SUN1: variants seen among roughly 807,000 people sequenced by gnomAD.
The protein encoded by SUN1 is Sad1 and UNC84 domain containing 1.
SUN1 carries 61 observed loss-of-function variants against 103.2 expected under a neutral mutation model. That is an observed-to-expected ratio of 0.59 (90% CI 0.48 to 0.73). The LOEUF (loss-of-function observed/expected upper bound fraction) is 0.73. Among genes scored for constraint, SUN1 ranks in the 30% least tolerant of loss-of-function variants. The pLI is 0.00. For synonymous variants in SUN1, 490 were observed against 425.7 expected (o/e 1.15, Z -1.86); for missense variants, 1,052 against 1,034.6 (o/e 1.02, Z -0.23).
intron 11 of SUN1, among the ~76,000 whole-genome samples, chr7:855,787 T>G (rs528899171): frequency 1.4e-3 from 206 of 152,014 alleles, no homozygotes; most frequent in Non-Finnish European, 2.4e-3. Context: ...GTGGGGCGCC[T>G]CCTCCTCTGT....
chr7:816,936 C>T (rs1403875792), intron 1 of SUN1: 2 of 152,478 alleles, frequency 1.3e-5, no homozygotes, highest in Non-Finnish European at 2.9e-5. Flanking sequence ...GGGGTGTCGC[C>T]AGCCGGCTCG....
intron 5 of SUN1, chr7:850,048 C>T (rs769579745): frequency 1.9e-5 from 30 of 1,554,546 alleles, no homozygotes; most frequent in Middle Eastern, 1.7e-4. Context: ...TCTCTCGCCC[C>T]GTCTCCGTCT....
intron 5 of SUN1, chr7:850,182 T>A (rs1394145221): frequency 1.4e-6 from 1 of 729,626 alleles, no homozygotes; most frequent in East Asian, 2.7e-5. Context: ...ACAGGGTGAA[T>A]CTCTCTCGAA....
At position 842,061 on chromosome 7, in the gene SUN1, G is replaced by A. The variant is rs371837294; in HGVS notation, c.382G>A (p.Val128Met). The change falls in exon 3 of 19, where the codon GTG becomes ATG. Residue 128 changes from valine to methionine, a missense_variant. Transcript: ENST00000401592. ...CGGCACTGTCAGCCTGCAGGATGCT[G>A]TGACTCGACGGCCTCCTGTATTGGA... Reference protein sequence around the residue: ...HGGTVSLQDAVTRRPPVLDES... With the variant: ...HGGTVSLQDAMTRRPPVLDES... The A allele has an allele frequency of 1.2e-6, 2 of 1,614,108 alleles. No homozygotes were observed. Among genetic ancestry groups the A allele is most frequent in the African/African-American group, 2.7e-5 (2 of 74,930 alleles).
chr7:834,263 A>T (rs1266645826), intron 1 of SUN1, among the ~76,000 whole-genome samples: 1 of 151,694 alleles, frequency 6.6e-6, no homozygotes, highest in Non-Finnish European at 1.5e-5. Context: ...ACTCTCGGGC[A>T]CTGGGAACTC....
At position 841,932 on chromosome 7, in the gene SUN1, T is replaced by C. The variant is rs763981938; in HGVS notation, c.267-14T>C. On this transcript the variant is annotated splice_polypyrimidine_tract_variant and intron_variant, in intron 2 of 18. Coordinates refer to ENST00000401592, the MANE Select transcript of SUN1 (RefSeq NM_001130965.3). ...GAAAAGATCTATAAACTTGCTGTTTTTTTTTCTTCTTAGAACAACAAAACA... is the reference window on the plus strand; with the variant it reads ...GAAAAGATCTATAAACTTGCTGTTTCTTTTTCTTCTTAGAACAACAAAACA... The C allele has an allele frequency of 1.2e-6, 2 of 1,613,290 alleles. No homozygotes were observed. The highest frequency in any genetic ancestry group is 3.3e-5 in the Admixed American group (2 of 59,934).
Position 832,535 on chromosome 7 carries a change from C to T in SUN1, c.11C>T (p.Ser4Phe). Residue 4 changes from serine to phenylalanine, a missense_variant, in exon 1 of 19, where the codon TCT becomes TTT. By Grantham distance (155) the Ser-to-Phe change is radical (BLOSUM62 -2). Coordinates refer to ENST00000401592, the MANE Select transcript of SUN1 (RefSeq NM_001130965.3). ...TTTGAAGTGGTGAACATGGATTTTT[C>T]TCGGCTTCACATGTACAGTCCTCCC... is the stretch of plus-strand genomic sequence containing the variant. MDFSRLHMYSPPQC... is the reference protein window; with the variant it reads MDFFRLHMYSPPQC... 1 of 1,613,314 alleles carries T rather than the reference C, an allele frequency of 6.2e-7. No homozygotes were observed. Among genetic ancestry groups the T allele is most frequent in the Non-Finnish European group, 8.5e-7 (1 of 1,179,620 alleles).
At chr7:864,651 A>C (rs1228988024) in intron 15 of SUN1, among the ~76,000 whole-genome samples, 2 of 79,942 alleles carry the variant, frequency 2.5e-5, no homozygotes, top group Non-Finnish European at 5.5e-5. Flanking sequence ...CGTAGAGACA[A>C]AGAGTCTCGC....
In SUN1 at chr7:872,454, A is replaced by G. The variant is rs1842422796; in HGVS notation, c.2149-16A>G. 1 of 1,583,346 alleles carries G rather than the reference A, an allele frequency of 6.3e-7. No homozygotes were observed. The highest frequency in any genetic ancestry group is 8.6e-7 in the Non-Finnish European group (1 of 1,162,776). ...TTTTTCCATTCGTTCATAATTGTGT[A>G]TGGTCTTGTTTTCAGGGATTAGAAA... On this transcript the variant is annotated splice_polypyrimidine_tract_variant and intron_variant, in intron 17 of 18. Coordinates refer to ENST00000401592, the MANE Select transcript of SUN1 (RefSeq NM_001130965.3).
At chr7:853,352 G>A in intron 9 of SUN1, 57 bp from the exon 10 acceptor site, 1 of 1,594,446 alleles carries the variant, frequency 6.3e-7, no homozygotes, top group Non-Finnish European at 8.6e-7. Context: ...AGGTTTAACT[G>A]ACTCTGTGCT....
chr7:817,585 C>T, intron 1 of SUN1: 2 of 1,468,514 alleles, frequency 1.4e-6, no homozygotes. Flanking sequence ...GGAAGCTGCC[C>T]ATAATTGTGT....
intron 1 of SUN1, among the ~76,000 whole-genome samples, chr7:819,799 C>A (rs1331796107): frequency 6.6e-6 from 1 of 151,494 alleles, no homozygotes; most frequent in African/African-American, 2.4e-5. Context: ...ACCTCCGCCT[C>A]CCAGGTTCAA....
chr7:849,011 G>C (rs942455484), intron 5 of SUN1, among the ~76,000 whole-genome samples: 1 of 152,192 alleles, frequency 6.6e-6, no homozygotes, highest in African/African-American at 2.4e-5. Context: ...GAGTGCAGTG[G>C]TGTGATCTCG....
intron 5 of SUN1, 99 bp from the exon 6 acceptor site, chr7:851,285 C>T: frequency 9.8e-7 from 1 of 1,016,014 alleles, no homozygotes; most frequent in Non-Finnish European, 1.5e-6. Flanking sequence ...CCGATGCAGG[C>T]TTTGGTGAAG....
At position 873,353 on chromosome 7, in the gene SUN1, T is replaced by A; in HGVS notation, c.*22T>A. On this transcript the variant is annotated 3_prime_UTR_variant, in exon 19 of 19. Transcript: ENST00000401592. The stretch of plus-strand genomic sequence containing the variant: ...GTGAAGACACTACTCATTATTTTTG[T>A]ACATTTTTGTATATACTGGGACAGC... 6.3e-7 allele frequency: 1 copy of A among 1,598,824 alleles called. No individual in the cohort carries two copies. Among genetic ancestry groups the A allele is most frequent in the South Asian group, 1.1e-5 (1 of 90,722 alleles).
intron 11 of SUN1, 35 bp from the exon 12 acceptor site, chr7:856,323 A>G: frequency 2.5e-6 from 4 of 1,602,564 alleles, no homozygotes; most frequent in Middle Eastern, 3.3e-4. Context: ...TATATAACTT[A>G]TGTGTTTCAG....
intron 13 of SUN1, 25 bp from the exon 14 acceptor site, chr7:860,103 T>C (rs779791555): frequency 3.1e-6 from 5 of 1,610,566 alleles, no homozygotes; most frequent in Non-Finnish European, 8.5e-7. Context: ...AATAGGACAT[T>C]TGTGTCCGTC....
chr7:840,636 A>C (rs994321619), intron 2 of SUN1, among the ~76,000 whole-genome samples: 7 of 111,510 alleles, frequency 6.3e-5, no homozygotes, highest in Non-Finnish European at 1.2e-4. Context: ...TTGACCATCT[A>C]TTCTTTTTTT....
At chr7:860,453 AGGT>A in intron 14 of SUN1, 71 bp downstream of exon 14, 1 of 1,576,030 alleles carries the variant, frequency 6.3e-7, no homozygotes, top group Non-Finnish European at 8.6e-7. Flanking sequence ...CCTAGCTGTG[AGGT>A]GTGGATGTTG....
Sources: allele counts gnomAD v4.1 joint callset (sites outside exome capture counted in the v4.1 genomes callset), GRCh38; gene constraint gnomAD v4.1.1; transcripts MANE v1.5; gene names NCBI Gene and HGNC (gene_info 2026-07-23, HGNC 2026-07-21).